Variants in GALNTL6 observed in about 807,000 individuals in gnomAD.
The protein encoded by GALNTL6 is polypeptide N-acetylgalactosaminyltransferase like 6, also known as polypeptide N-acetylgalactosaminyltransferase-like 6.
A neutral mutation model predicts 73.7 loss-of-function variants in GALNTL6; 46 were observed. That is an observed-to-expected ratio of 0.62 (90% CI 0.49 to 0.80). The LOEUF (loss-of-function observed/expected upper bound fraction) is 0.80. Ranked by LOEUF, GALNTL6 falls within the 30% of genes least tolerant of loss-of-function variation. The pLI is 0.00. For missense variants in GALNTL6, 604 were observed against 755.0 expected, an observed-to-expected ratio of 0.80 and a Z score of 2.34; for synonymous variants, 259 against 263.7, an observed-to-expected ratio of 0.98 and a Z score of 0.17.
intron 5 of GALNTL6, among the ~76,000 whole-genome samples, chr4:172,644,582 C>T (rs1312107318): frequency 6.6e-6 from 1 of 151,820 alleles, no homozygotes; most frequent in Non-Finnish European, 1.5e-5. Flanking sequence ...ATTTTTATTG[C>T]TTTGTAATAT....
chr4:172,481,879 G>A (rs1351906508), intron 5 of GALNTL6, among the ~76,000 whole-genome samples: 1 of 152,230 alleles, frequency 6.6e-6, no homozygotes, highest in African/African-American at 2.4e-5. Flanking sequence ...GTCCAACACA[G>A]TACCTGCACT....
At chr4:171,851,443 C>T (rs751453597) in intron 2 of GALNTL6, among the ~76,000 whole-genome samples, 32 of 152,310 alleles carry the variant, frequency 2.1e-4, no homozygotes, top group Admixed American at 4.6e-4. Context: ...CTCCATATTG[C>T]TTTTGACAAT....
chr4:172,350,121 T>C (rs930180437), intron 5 of GALNTL6, among the ~76,000 whole-genome samples: 4 of 152,150 alleles, frequency 2.6e-5, no homozygotes, highest in African/African-American at 9.7e-5. Flanking sequence ...AAAAAGGTGA[T>C]AAAGATCTGA....
At chr4:172,223,902 G>A (rs988305552) in intron 2 of GALNTL6, among the ~76,000 whole-genome samples, 2 of 151,990 alleles carry the variant, frequency 1.3e-5, no homozygotes, top group Admixed American at 6.6e-5. Context: ...TTTTGATAGT[G>A]TTCCATTTGC....
At chr4:171,945,042 T>C (rs1271103287) in intron 2 of GALNTL6, among the ~76,000 whole-genome samples, 1 of 152,094 alleles carries the variant, frequency 6.6e-6, no homozygotes, top group Non-Finnish European at 1.5e-5. Flanking sequence ...CCTAGGTAAA[T>C]GCCTCTTGAG....
chr4:173,008,732 T>A (rs1752406766), intron 10 of GALNTL6, among the ~76,000 whole-genome samples: 1 of 152,220 alleles, frequency 6.6e-6, no homozygotes, highest in South Asian at 2.1e-4. Context: ...CTCATGTTGA[T>A]CCATTTCCTC....
At chr4:172,525,446 G>A (rs1254314878) in intron 5 of GALNTL6, among the ~76,000 whole-genome samples, 1 of 151,900 alleles carries the variant, frequency 6.6e-6, no homozygotes, top group Admixed American at 6.6e-5. Context: ...GGATTTGATG[G>A]TATTATAAAT....
At chr4:172,486,269 G>A (rs144950329) in intron 5 of GALNTL6, among the ~76,000 whole-genome samples, 1 of 152,242 alleles carries the variant, frequency 6.6e-6, no homozygotes, top group African/African-American at 2.4e-5. Context: ...GAAACTGATT[G>A]ATTTGAAGAA....
intron 2 of GALNTL6, among the ~76,000 whole-genome samples, chr4:172,045,352 C>T (rs999195589): frequency 4.6e-5 from 7 of 151,906 alleles, no homozygotes; most frequent in Admixed American, 2.0e-4. Context: ...AAAAATATAA[C>T]CTGTTAATTG....
intron 5 of GALNTL6, among the ~76,000 whole-genome samples, chr4:172,595,872 G>GTA (rs1737830787): frequency 4.6e-5 from 7 of 152,078 alleles, no homozygotes; most frequent in African/African-American, 1.4e-4. Context: ...AATCAAATGG[G>GTA]AGAACACTTA....
chr4:172,175,403 A>G (rs1734958525), intron 2 of GALNTL6, among the ~76,000 whole-genome samples: 1 of 152,144 alleles, frequency 6.6e-6, no homozygotes, highest in Non-Finnish European at 1.5e-5. Context: ...GGCCCAAACT[A>G]GATGTTTGAA....
chr4:172,865,871 C>A (rs556100803), intron 7 of GALNTL6, among the ~76,000 whole-genome samples: 4 of 152,272 alleles, frequency 2.6e-5, no homozygotes, highest in Admixed American at 1.3e-4. Context: ...ATCAAACATG[C>A]CCCAAACCGA....
intron 3 of GALNTL6, among the ~76,000 whole-genome samples, chr4:172,281,738 G>C (rs998936162): frequency 6.6e-6 from 1 of 151,932 alleles, no homozygotes; most frequent in Admixed American, 6.6e-5. Context: ...ACAAACCTGT[G>C]ATTGTCTTGC....
intron 5 of GALNTL6, among the ~76,000 whole-genome samples, chr4:172,536,318 T>A (rs905617756): frequency 3.9e-5 from 6 of 152,098 alleles, no homozygotes; most frequent in Non-Finnish European, 7.4e-5. Context: ...GCAAGCAACT[T>A]TGGAATTAGG....
At chr4:172,174,976 C>T (rs751829237) in intron 2 of GALNTL6, among the ~76,000 whole-genome samples, 8 of 152,118 alleles carry the variant, frequency 5.3e-5, no homozygotes, top group Non-Finnish European at 7.3e-5. Flanking sequence ...ATACTTAACA[C>T]GCACTGCAGA....
chr4:172,117,587 CA>C (rs1426523860), intron 2 of GALNTL6, among the ~76,000 whole-genome samples: 2 of 152,050 alleles, frequency 1.3e-5, no homozygotes, highest in African/African-American at 4.8e-5. Flanking sequence ...GTCAGCTTTA[CA>C]GAATAATTCC....
chr4:172,192,655 A>T (rs72700995), intron 2 of GALNTL6, among the ~76,000 whole-genome samples: 3,419 of 152,310 alleles, frequency 0.022, 43 homozygotes, highest in Non-Finnish European at 0.032. Context: ...TACTGTTTTC[A>T]TGGATCTGTG....
At chr4:171,895,836 G>A (rs1196483908) in intron 2 of GALNTL6, among the ~76,000 whole-genome samples, 1 of 151,820 alleles carries the variant, frequency 6.6e-6, no homozygotes, top group African/African-American at 2.4e-5. Context: ...AATGAAAGAT[G>A]GGAAATATGA....
chr4:172,752,521 A>G (rs1268608801), intron 5 of GALNTL6, among the ~76,000 whole-genome samples: 1 of 152,110 alleles, frequency 6.6e-6, no homozygotes, highest in Non-Finnish European at 1.5e-5. Context: ...TTAGTAAATG[A>G]AACATAAGTT....
Sources: gnomAD v4.1 joint callset for allele counts (sites outside exome capture counted in the v4.1 genomes callset) on GRCh38, gnomAD v4.1.1 for gene constraint, MANE v1.5 for transcripts, NCBI Gene and HGNC (gene_info 2026-07-23, HGNC 2026-07-21) for gene names.